Variants in SLC27A6 observed in about 807,000 individuals in gnomAD.
The protein encoded by SLC27A6 is solute carrier family 27 member 6, also known as long-chain fatty acid transport protein 6.
Under a neutral mutation model 63.9 loss-of-function variants are expected in SLC27A6, and 74 were observed. The ratio of observed to expected loss-of-function variants is 1.16; its 90% CI spans 0.96 to 1.40. The LOEUF (loss-of-function observed/expected upper bound fraction) is 1.40. Ranked by LOEUF, SLC27A6 falls within the 40% of genes most tolerant of loss-of-function variation. The pLI is 0.00. For missense variants in SLC27A6, 794 were observed against 732.9 expected (o/e 1.08, Z -0.96); for synonymous variants, 287 against 260.8 (o/e 1.10, Z -0.97).
chr5:129,016,028 G>A lies in SLC27A6; in HGVS notation c.1113G>A (p.Met371Ile). Residue 371 changes from methionine to isoleucine, a missense_variant, in exon 5 of 10, where the codon ATG becomes ATA. By Grantham distance (10) the Met-to-Ile change is conservative. Coordinates refer to ENST00000262462, the MANE Select transcript of SLC27A6 (RefSeq NM_001017372.3). Reference sequence around the variant, plus strand: ...CTACCGAATCAAGCATATCTTTCATGAACTACACTGGGAGAATTGGAGCAA... The same window carrying A: ...CTACCGAATCAAGCATATCTTTCATAAACTACACTGGGAGAATTGGAGCAA... Reference protein sequence around the residue: ...YAATESSISFMNYTGRIGAIG... With the variant: ...YAATESSISFINYTGRIGAIG... The A allele has an allele frequency of 6.2e-7, 1 of 1,603,922 alleles. No homozygotes were observed. Among genetic ancestry groups the A allele is most frequent in the Admixed American group, 1.8e-5 (1 of 56,234 alleles).
rs1227498241 is a variant in SLC27A6, at chr5:128,966,275, G to A, written c.138G>A (p.Lys46=). 6.2e-7 allele frequency: 1 copy of A among 1,614,002 alleles called. No homozygotes were observed. The highest frequency in any genetic ancestry group is 1.1e-5 in the South Asian group (1 of 91,060). The part of the protein sequence containing the change: ...KVVLIIIRLK[K]YEKRGELVTV... Reference sequence around the variant, plus strand: ...TGCTCATTATAATTCGGCTGAAGAAGTATGAAAAGAGAGGGGAGCTGGTGA... The same window carrying A: ...TGCTCATTATAATTCGGCTGAAGAAATATGAAAAGAGAGGGGAGCTGGTGA... Residue 46 remains lysine, a synonymous_variant, in exon 1 of 10, where the codon AAG becomes AAA. Transcript: ENST00000262462.
At chr5:128,986,323 G>GA (rs1750784105) in intron 2 of SLC27A6, among the ~76,000 whole-genome samples, 1 of 152,078 alleles carries the variant, frequency 6.6e-6, no homozygotes, top group Non-Finnish European at 1.5e-5. Context: ...AGAAAGAAAA[G>GA]AAAGAGAATT....
At position 128,971,439 on chromosome 5, in the gene SLC27A6, T is replaced by C. The variant is rs190791277; in HGVS notation, c.481+4821T>C. Among the ~76,000 whole-genome samples, 4 of 152,194 alleles carry C rather than the reference T, an allele frequency of 2.6e-5. No individual in the cohort carries two copies. In the East Asian group the frequency reaches 7.7e-4, roughly 29 times the overall value. The stretch of plus-strand genomic sequence containing the variant: ...AGGACTTGCTTTATGAATCTGGGTG[T>C]TCCTGTATTGGGTGCATATATATTC... On this transcript the variant is annotated intron_variant, in intron 1 of 9. Transcript: ENST00000262462.
At chr5:129,023,179 C>G (rs1561632230) in intron 5 of SLC27A6, among the ~76,000 whole-genome samples, 1 of 151,474 alleles carries the variant, frequency 6.6e-6, no homozygotes, top group Non-Finnish European at 1.5e-5. Context: ...TTTTTAGATA[C>G]TGTGAGGAAA....
At chr5:128,997,746 CT>C (rs1343809238) in intron 4 of SLC27A6, among the ~76,000 whole-genome samples, 1 of 152,102 alleles carries the variant, frequency 6.6e-6, no homozygotes, top group African/African-American at 2.4e-5. Flanking sequence ...AGAAATTTAG[CT>C]TTATGTAGGA....
intron 1 of SLC27A6, among the ~76,000 whole-genome samples, chr5:128,978,104 G>A (rs1017914947): frequency 9.2e-5 from 14 of 152,272 alleles, no homozygotes; most frequent in East Asian, 3.9e-4. Context: ...ACTTCTGCAA[G>A]TATTTTTGAG....
chr5:129,011,235 G>A (rs756813845), intron 4 of SLC27A6, among the ~76,000 whole-genome samples: 6 of 152,184 alleles, frequency 3.9e-5, no homozygotes, highest in Non-Finnish European at 8.8e-5. Flanking sequence ...CAAAGTGGCA[G>A]CAGTAATAGG....
At chr5:128,990,911 A>C (rs998508269) in intron 4 of SLC27A6, among the ~76,000 whole-genome samples, 11 of 152,194 alleles carry the variant, frequency 7.2e-5, no homozygotes, top group Admixed American at 7.2e-4. Flanking sequence ...CTGGATCTGG[A>C]GGGGTGGAAG....
In SLC27A6 at chr5:129,005,597, G is replaced by A. The variant is rs1011916283; in HGVS notation, c.970-10288G>A. 2.0e-5 allele frequency among the ~76,000 whole-genome samples: 3 copies of A among 148,374 alleles called. No individual in the cohort carries two copies. The Admixed American group carries it at 2.1e-4, about 10-fold the overall frequency. On this transcript the variant is annotated intron_variant, in intron 4 of 9. Transcript: ENST00000262462. ...AGCAGCCATAGATGATCCATAAATA[G>A]GTCTGGTTGTATTTTTTTTTTTTTT...
Position 129,028,394 on chromosome 5 carries a change from A to G in SLC27A6, c.1504A>G (p.Met502Val), listed in dbSNP as rs775396347. ...ATTEVADVIG[M>V]LDFIQEANVY... is the part of the protein sequence containing the mutation. The stretch of plus-strand genomic sequence containing the variant: ...CACTGAGGTTGCTGATGTTATTGGA[A>G]TGTTGGATTTCATACAGGAAGCAAA... Residue 502 changes from methionine (M) to valine (V), a missense_variant, in exon 8 of 10, where the codon ATG (methionine) becomes GTG (valine). By Grantham distance (21) the Met-to-Val change is conservative. Transcript: ENST00000262462. The G allele has an allele frequency of 1.2e-6, 2 of 1,610,992 alleles. No individual in the cohort carries two copies. The highest frequency in any genetic ancestry group is 1.7e-6 in the Non-Finnish European group (2 of 1,177,754).
chr5:128,988,683 G>C lies in SLC27A6; in HGVS notation c.769G>C (p.Asp257His). The change falls in exon 3 of 10, where the codon GAC (aspartate) becomes CAC (histidine). Residue 257 changes from aspartate to histidine, a missense_variant. Coordinates refer to ENST00000262462, the MANE Select transcript of SLC27A6 (RefSeq NM_001017372.3). ...VLWAFGCTAH[D>H]IVYITLPLYH... ...GTGGGCTTTTGGTTGTACTGCTCAT[G>C]ACATTGTTTATATAACCCTTCCTCT... The C allele has an allele frequency of 6.2e-7, 1 of 1,613,808 alleles. No homozygotes were observed. Among genetic ancestry groups the C allele is most frequent in the Non-Finnish European group, 8.5e-7 (1 of 1,179,788 alleles).
chr5:128,972,417 G>C (rs1463173398), intron 1 of SLC27A6, among the ~76,000 whole-genome samples: 1 of 152,064 alleles, frequency 6.6e-6, no homozygotes, highest in Non-Finnish European at 1.5e-5. Flanking sequence ...CGTAGATTTG[G>C]TCTTTTCACA....
In SLC27A6 at chr5:128,966,210, C is replaced by T. The variant is rs17857262; in HGVS notation, c.73C>T (p.Pro25Ser). The change falls in exon 1 of 10, where the codon CCT becomes TCT. Residue 25 changes from proline to serine, a missense_variant. Pro to Ser is a moderately conservative substitution (Grantham distance 74, BLOSUM62 -1). Transcript: ENST00000262462. ...VLHFLQKLLF[P>S]YFWDDFWFVL... is the part of the protein sequence containing the mutation. Reference sequence around the variant, plus strand: ...GCACTTCTTGCAGAAACTCCTGTTCCCTTACTTTTGGGATGACTTCTGGTT... The same window carrying T: ...GCACTTCTTGCAGAAACTCCTGTTCTCTTACTTTTGGGATGACTTCTGGTT... 3 of 1,608,318 alleles carry T rather than the reference C, an allele frequency of 1.9e-6. No individual in the cohort carries two copies. The highest frequency in any genetic ancestry group is 2.5e-6 in the Non-Finnish European group (3 of 1,177,282).
At chr5:129,018,828 T>G (rs1751987600) in intron 5 of SLC27A6, among the ~76,000 whole-genome samples, 2 of 152,280 alleles carry the variant, frequency 1.3e-5, no homozygotes, top group African/African-American at 2.4e-5. Context: ...CCTCTGATTT[T>G]CAACTCATTT....
At chr5:128,990,590 C>T (rs2150136687) in intron 4 of SLC27A6, 126 bp downstream of exon 4, 2 of 993,908 alleles carry the variant, frequency 2.0e-6, no homozygotes, top group African/African-American at 1.6e-5. Flanking sequence ...CTTAGAGCTT[C>T]CAAGATAGTG....
At chr5:128,984,103 G>T (rs1286157213) in intron 1 of SLC27A6, among the ~76,000 whole-genome samples, 1 of 152,186 alleles carries the variant, frequency 6.6e-6, no homozygotes, top group Non-Finnish European at 1.5e-5. Flanking sequence ...GAATATAAAA[G>T]TTGAACTTCA....
chr5:129,011,352 ATGTT>A (rs1252084015), intron 4 of SLC27A6, among the ~76,000 whole-genome samples: 1 of 152,148 alleles, frequency 6.6e-6, no homozygotes, highest in African/African-American at 2.4e-5. Flanking sequence ...ATGTTTGTAA[ATGTT>A]TGTTGCTACT....
chr5:128,976,128 T>C (rs1750368884), intron 1 of SLC27A6, among the ~76,000 whole-genome samples: 1 of 152,102 alleles, frequency 6.6e-6, no homozygotes, highest in African/African-American at 2.4e-5. Context: ...ACAGATACCA[T>C]GTATGGATAT....
intron 1 of SLC27A6, among the ~76,000 whole-genome samples, chr5:128,970,622 T>C (rs1750110838): frequency 6.6e-6 from 1 of 152,154 alleles, no homozygotes; most frequent in South Asian, 2.1e-4. Context: ...TATCATTTTT[T>C]ATTGTGTCTA....
Sources: allele counts gnomAD v4.1 joint callset (sites outside exome capture counted in the v4.1 genomes callset), GRCh38; gene constraint gnomAD v4.1.1; transcripts MANE v1.5; gene names NCBI Gene and HGNC (gene_info 2026-07-23, HGNC 2026-07-21).